EML1: variants seen among roughly 807,000 people sequenced by gnomAD.
EML1 encodes EMAP like 1, also known as echinoderm microtubule-associated protein-like 1.
EML1 carries 27 observed loss-of-function variants against 110.4 expected under a neutral mutation model. That is an observed-to-expected ratio of 0.24 (90% CI 0.18 to 0.34). The LOEUF (loss-of-function observed/expected upper bound fraction) is 0.34. Among genes scored for constraint, EML1 ranks in the 10% least tolerant of loss-of-function variants. The pLI is 1.00. For missense variants in EML1, 741 were observed against 1,030.9 expected, an observed-to-expected ratio of 0.72 and a Z score of 3.85; for synonymous variants, 344 against 385.8, an observed-to-expected ratio of 0.89 and a Z score of 1.27.
At chr14:99,746,681 C>T (rs904289998) in intron 1 of EML1, among the ~76,000 whole-genome samples, 23 of 152,214 alleles carry the variant, frequency 1.5e-4, no homozygotes, top group Admixed American at 5.9e-4. Context: ...CTGGCTCAGT[C>T]GCACCCCACG....
chr14:99,919,260 G>A (rs188467070), intron 16 of EML1, among the ~76,000 whole-genome samples: 63 of 152,256 alleles, frequency 4.1e-4, no homozygotes, highest in Admixed American at 9.8e-4. Context: ...AAAAAGCGTA[G>A]CACTTAAATT....
intron 1 of EML1, among the ~76,000 whole-genome samples, chr14:99,840,147 A>G (rs972257939): frequency 6.6e-6 from 1 of 152,260 alleles, no homozygotes. Context: ...TGAAATGTTT[A>G]TCTGCAAATT....
At chr14:99,789,595 C>T (rs2057639230), upstream of EML1, among the ~76,000 whole-genome samples, 1 of 152,218 alleles carries the variant, frequency 6.6e-6, no homozygotes, top group South Asian at 2.1e-4. Context: ...GTTCTATGTG[C>T]TACATTCCCA....
rs190041315 is a variant in EML1, at chr14:99,843,300, T to C, written c.68-7553T>C. Reference sequence around the variant, plus strand: ...GTCTATGCTACAGATTCTTTCATGATTTAAAAAGCAAATATTATTAATTAT... The same window carrying C: ...GTCTATGCTACAGATTCTTTCATGACTTAAAAAGCAAATATTATTAATTAT... On this transcript the variant is annotated intron_variant, in intron 1 of 21. Transcript: ENST00000262233. Among the ~76,000 whole-genome samples the C allele has an allele frequency of 9.2e-5, 14 of 152,298 alleles. No individual in the cohort carries two copies. In the East Asian group the frequency reaches 2.5e-3, roughly 27 times the overall value.
chr14:99,910,194 T>A (rs759776678), intron 11 of EML1, 48 bp from the exon 12 acceptor site: 2 of 1,309,360 alleles, frequency 1.5e-6, no homozygotes, highest in Non-Finnish European at 2.1e-6. Flanking sequence ...AATATATATA[T>A]GTTGTATGGA....
At chr14:99,766,498 T>A (rs1430709775) in intron 1 of EML1, among the ~76,000 whole-genome samples, 1 of 152,172 alleles carries the variant, frequency 6.6e-6, no homozygotes, top group Non-Finnish European at 1.5e-5. Flanking sequence ...CCGGCCTAAT[T>A]TTTAATGTTT....
intron 1 of EML1, among the ~76,000 whole-genome samples, chr14:99,764,781 A>G (rs75307345): frequency 0.13 from 19,605 of 152,274 alleles, 1,494 homozygotes; most frequent in South Asian, 0.23. Context: ...CAGTTTCTTG[A>G]TAGACTTTTG....
At chr14:99,831,278 C>T (rs141119413) in intron 1 of EML1, among the ~76,000 whole-genome samples, 7 of 151,926 alleles carry the variant, frequency 4.6e-5, no homozygotes, top group East Asian at 1.9e-4. Flanking sequence ...CTGAATATTC[C>T]GCAAAATGAT....
intron 1 of EML1, among the ~76,000 whole-genome samples, chr14:99,819,848 G>T (rs1374963874): frequency 6.6e-6 from 1 of 152,216 alleles, no homozygotes; most frequent in Non-Finnish European, 1.5e-5. Context: ...GAGGGCTCAC[G>T]ATTACTTTCT....
intron 1 of EML1, among the ~76,000 whole-genome samples, chr14:99,823,040 G>A (rs556978000): frequency 1.3e-5 from 2 of 152,158 alleles, no homozygotes; most frequent in East Asian, 1.9e-4. Context: ...AAGCCTAAGC[G>A]CCGGGCCCTA....
At chr14:99,761,033 G>A (rs1417074675) in intron 1 of EML1, among the ~76,000 whole-genome samples, 1 of 152,050 alleles carries the variant, frequency 6.6e-6, no homozygotes, top group East Asian at 1.9e-4. Flanking sequence ...GGCTCGTAAA[G>A]TGTTTTCTCT....
At chr14:99,899,666 A>C (rs996507737) in intron 8 of EML1, among the ~76,000 whole-genome samples, 32 of 152,136 alleles carry the variant, frequency 2.1e-4, no homozygotes, top group African/African-American at 7.5e-4. Flanking sequence ...AATGGAAATC[A>C]GACCACTATT....
chr14:99,935,781 C>CAAAAAAAAAAAAAAAAAA (rs1160100015), intron 17 of EML1, among the ~76,000 whole-genome samples: 5 of 83,732 alleles, frequency 6.0e-5, no homozygotes, highest in African/African-American at 2.4e-4. Context: ...GACTCCGTCT[C>CAAAAAAAAAAAAAAAAAA]AAAAAAAAAA....
intron 1 of EML1, among the ~76,000 whole-genome samples, chr14:99,780,002 G>T (rs2057522646): frequency 6.6e-6 from 1 of 152,190 alleles, no homozygotes; most frequent in South Asian, 2.1e-4. Flanking sequence ...GAGGCTTGAA[G>T]TCTAGTCAGA....
At chr14:99,849,868 C>A (rs1053687771) in intron 1 of EML1, among the ~76,000 whole-genome samples, 1 of 151,120 alleles carries the variant, frequency 6.6e-6, no homozygotes, top group Admixed American at 6.6e-5. Context: ...TATTTGTGTT[C>A]ATTAAATTTG....
chr14:99,772,027 T>A (rs1566858020), upstream of EML1, among the ~76,000 whole-genome samples: 1 of 152,252 alleles, frequency 6.6e-6, no homozygotes, highest in South Asian at 2.1e-4. Context: ...TATGTGTCGA[T>A]TGACCGTTTT....
At chr14:99,928,636 G>A (rs2140112499) in intron 17 of EML1, among the ~76,000 whole-genome samples, 1 of 152,240 alleles carries the variant, frequency 6.6e-6, no homozygotes, top group East Asian at 1.9e-4. Flanking sequence ...TTTGGTTCTG[G>A]GAAATACGTG....
At chr14:99,904,241 C>T (rs1195727225) in intron 9 of EML1, among the ~76,000 whole-genome samples, 1 of 152,178 alleles carries the variant, frequency 6.6e-6, no homozygotes, top group Non-Finnish European at 1.5e-5. Context: ...GATTAATACC[C>T]CTTTAACTTT....
At chr14:99,743,648 G>A (rs960192284) in intron 1 of EML1, among the ~76,000 whole-genome samples, 1 of 152,176 alleles carries the variant, frequency 6.6e-6, no homozygotes, top group African/African-American at 2.4e-5. Flanking sequence ...TACCTTCTCA[G>A]CCCTGCACTC....
Sources: gnomAD v4.1 joint callset for allele counts (sites outside exome capture counted in the v4.1 genomes callset) on GRCh38, gnomAD v4.1.1 for gene constraint, MANE v1.5 for transcripts, NCBI Gene and HGNC (gene_info 2026-07-23, HGNC 2026-07-21) for gene names.